The following DSP variants were observed in gnomAD, a reference collection of about 807,000 sequenced individuals.
DSP encodes the protein desmoplakin, also known as 250/210 kDa paraneoplastic pemphigus antigen.
DSP carries 114 observed loss-of-function variants against 290.6 expected under a neutral mutation model. The observed-to-expected ratio is 0.39, with a 90% CI of 0.34 to 0.46. The LOEUF (loss-of-function observed/expected upper bound fraction) is 0.46. DSP is among the 20% of genes least tolerant of loss of function. The pLI is 0.99. For missense variants in DSP, 3,230 were observed against 3,495.8 expected (o/e 0.92, Z 1.92); for synonymous variants, 1,311 against 1,316.4 (o/e 1.00, Z 0.09).
intron 12 of DSP, among the ~76,000 whole-genome samples, chr6:7,570,010 C>T (rs888439150): frequency 2.6e-5 from 4 of 152,162 alleles, no homozygotes; most frequent in East Asian, 1.9e-4. Context: ...GAAGAACATT[C>T]GTTTAACAGG....
rs1759429339 is a variant in DSP at position 7,581,222 on chromosome 6, G to A, written c.5032G>A (p.Ala1678Thr). 1.2e-6 allele frequency: 2 copies of A among 1,614,154 alleles called. No individual in the cohort carries two copies. Among genetic ancestry groups the A allele is most frequent in the Non-Finnish European group, 1.7e-6 (2 of 1,180,038 alleles). The change falls in exon 23 of 24, where the codon GCT (alanine) becomes ACT (threonine). Residue 1678 changes from alanine to threonine, a missense_variant. Ala to Thr is a moderately conservative substitution (Grantham distance 58, BLOSUM62 0). This residue lies in a region of DSP where 1,714 missense variants were observed against 1,844.5 expected (regional missense o/e 0.93). Transcript: ENST00000379802. ...LLQEQESVKQ[A>T]HLRNEHFQKA... Reference sequence around the variant, plus strand: ...CCAGGAACAGGAAAGTGTCAAACAAGCTCACTTGAGGAATGAGCATTTCCA... The same window carrying A: ...CCAGGAACAGGAAAGTGTCAAACAAACTCACTTGAGGAATGAGCATTTCCA...
chr6:7,554,951 G>A (rs1226839303), intron 1 of DSP, among the ~76,000 whole-genome samples: 4 of 152,090 alleles, frequency 2.6e-5, no homozygotes, highest in African/African-American at 4.8e-5. Flanking sequence ...CACTGTGTCC[G>A]GCCAATATTT....
intron 1 of DSP, among the ~76,000 whole-genome samples, chr6:7,542,579 G>A (rs1231407762): frequency 1.3e-5 from 2 of 152,136 alleles, no homozygotes; most frequent in Non-Finnish European, 2.9e-5. Flanking sequence ...CAGTAACCCC[G>A]AGACCACGAC....
chr6:7,570,609 T>G (rs1033163177), intron 13 of DSP, 46 bp downstream of exon 13: 1 of 1,607,372 alleles, frequency 6.2e-7, no homozygotes. Context: ...AGGGCAGCGC[T>G]GCCCCCCGCA....
chr6:7,544,757 A>G (rs987604045), intron 1 of DSP, among the ~76,000 whole-genome samples: 1 of 152,132 alleles, frequency 6.6e-6, no homozygotes, highest in Non-Finnish European at 1.5e-5. Context: ...TTAGGACAGT[A>G]TTAGATCTCA....
At chr6:7,544,157 C>T (rs922427196) in intron 1 of DSP, among the ~76,000 whole-genome samples, 5 of 152,168 alleles carry the variant, frequency 3.3e-5, no homozygotes, top group African/African-American at 2.4e-5. Flanking sequence ...TCATTCTTTC[C>T]GGGGATCCTG....
At chr6:7,566,515 A>G in intron 8 of DSP, 34 bp downstream of exon 8, 2 of 1,570,420 alleles carry the variant, frequency 1.3e-6, no homozygotes. Context: ...TTTGTTAGAA[A>G]AAAAAAAACT....
intron 13 of DSP, 134 bp downstream of exon 13, chr6:7,570,697 T>C: frequency 7.9e-7 from 1 of 1,269,982 alleles, no homozygotes; most frequent in Non-Finnish European, 1.1e-6. Context: ...AGCTCAGCCC[T>C]CCTTAGAGGT....
Position 7,579,875 on chromosome 6 carries a change from G to A in DSP, c.3685G>A (p.Glu1229Lys), listed in dbSNP as rs773447502. ...TTIKEISMQK[E>K]DDSKNLRNQL... ...CATCAAGGAGATATCCATGCAAAAAGAGGATGATTCCAAAAATCTTAGAAA... is the reference window on the plus strand; with the variant it reads ...CATCAAGGAGATATCCATGCAAAAAAAGGATGATTCCAAAAATCTTAGAAA... Residue 1229 changes from glutamate to lysine, a missense_variant, in exon 23 of 24, where the codon GAG becomes AAG. Physicochemically the swap from Glu to Lys is moderately conservative, Grantham distance 56. Transcript: ENST00000379802. This position sits in a 1 kb window ranked among gnomAD's most constrained non-coding sequence, Gnocchi z 4.1. 6.2e-7 allele frequency: 1 copy of A among 1,614,152 alleles called. No individual in the cohort carries two copies. Among genetic ancestry groups the A allele is most frequent in the Non-Finnish European group, 8.5e-7 (1 of 1,180,038 alleles).
At chr6:7,544,595 G>T (rs1185078420) in intron 1 of DSP, among the ~76,000 whole-genome samples, 6 of 151,566 alleles carry the variant, frequency 4.0e-5, no homozygotes, top group Non-Finnish European at 8.8e-5. Context: ...TAATAGATTG[G>T]TGATTTTTGA....
chr6:7,543,583 TC>T (rs1445927782), intron 1 of DSP, among the ~76,000 whole-genome samples: 1 of 152,258 alleles, frequency 6.6e-6, no homozygotes, highest in Admixed American at 6.5e-5. Context: ...ATTTAAATTT[TC>T]TCCCGCAGTC....
chr6:7,585,568 G>C lies in DSP; in HGVS notation c.8306G>C (p.Ser2769Thr). Residue 2769 changes from serine (S) to threonine (T), a missense_variant, in exon 24 of 24, where the codon AGC (serine) becomes ACC (threonine). Around this residue, in one of 5 missense-constraint regions of DSP, gnomAD observed 582 missense variants for 555.4 expected, o/e 1.05. Coordinates refer to ENST00000379802, the MANE Select transcript of DSP (RefSeq NM_004415.4). Reference protein sequence around the residue: ...RAAQRLQDTSSYAKILTCPKT... With the variant: ...RAAQRLQDTSTYAKILTCPKT... ...GCACAGAGGCTGCAAGACACCAGCA[G>C]CTATGCCAAAATCCTGACCTGCCCC... is the stretch of plus-strand genomic sequence containing the variant. 6.2e-7 allele frequency: 1 copy of C among 1,614,178 alleles called. No homozygotes were observed. Among genetic ancestry groups the C allele is most frequent in the Non-Finnish European group, 8.5e-7 (1 of 1,180,024 alleles).
rs1349062757 is a variant in DSP at position 7,575,469 on chromosome 6, G to A, written c.2611G>A (p.Asp871Asn). 1.2e-6 allele frequency: 2 copies of A among 1,614,188 alleles called. No homozygotes were observed. Among genetic ancestry groups the A allele is most frequent in the Non-Finnish European group, 1.7e-6 (2 of 1,180,030 alleles). ...GCTGACAGACCGCTGGCAAAGGATA[G>A]ATAAACAGATCGACTTTAGGTATGC... ...TQLTDRWQRIDKQIDFRLWDL... is the reference protein window; with the variant it reads ...TQLTDRWQRINKQIDFRLWDL... Residue 871 changes from aspartate to asparagine, a missense_variant, in exon 18 of 24, where the codon GAT becomes AAT. Physicochemically the swap from Asp to Asn is conservative, Grantham distance 23 (BLOSUM62 1). Coordinates refer to ENST00000379802, the MANE Select transcript of DSP (RefSeq NM_004415.4).
rs150383703 is a variant in DSP at position 7,555,730 on chromosome 6, G to A, written c.183G>A (p.Thr61=). 2.0e-5 allele frequency: 33 copies of A among 1,614,186 alleles called. No individual in the cohort carries two copies. The African/African-American group carries it at 2.5e-4, about 12-fold the overall frequency. ...TTTGCCTCCTTAGTCAAACCGGCACGATGTCCAGGCACCAGAACCAGAACA... is the reference window on the plus strand; with the variant it reads ...TTTGCCTCCTTAGTCAAACCGGCACAATGTCCAGGCACCAGAACCAGAACA... ...QNSDGYCQTG[T]MSRHQNQNTI... is the part of the protein sequence containing the mutation. The change falls in exon 2 of 24, where the codon ACG becomes ACA. Residue 61 remains threonine (T), a synonymous_variant. Coordinates refer to ENST00000379802, the MANE Select transcript of DSP (RefSeq NM_004415.4).
rs759523146 is a variant in DSP, at chr6:7,580,900, G to A, written c.4710G>A (p.Lys1570=). Residue 1570 remains lysine (K), a synonymous_variant, in exon 23 of 24, where the codon AAG becomes AAA. Transcript: ENST00000379802. This position sits in a 1 kb window ranked among gnomAD's most constrained non-coding sequence, Gnocchi z 4.2. ...CTCTGAAAGAGCTGCAGCTGCAGAA[G>A]CAGAAGGTGGAAGAGGAGCTGAATC... The part of the protein sequence containing the change: ...QNSLKELQLQ[K]QKVEEELNRL... The A allele has an allele frequency of 6.2e-7, 1 of 1,614,194 alleles. No homozygotes were observed. The highest frequency in any genetic ancestry group is 8.5e-7 in the Non-Finnish European group (1 of 1,180,040).
intron 16 of DSP, 108 bp from the exon 17 acceptor site, chr6:7,574,549 T>C: frequency 6.6e-7 from 1 of 1,518,458 alleles, no homozygotes; most frequent in Non-Finnish European, 9.1e-7. Flanking sequence ...CAAAATAAAT[T>C]TTTATCTGCT....
Position 7,585,296 on chromosome 6 carries a change from T to C in DSP, c.8034T>C (p.Gly2678=), listed in dbSNP as rs1274651422. 2 of 1,613,846 alleles carry C rather than the reference T, an allele frequency of 1.2e-6. No homozygotes were observed. Among genetic ancestry groups the C allele is most frequent in the African/African-American group, 1.3e-5 (1 of 74,852 alleles). ...CACTTCAGGACGCAGTCTCCCAGGG[T>C]GTGATTGACCAAGACATGGCCACCA... ...KLSLQDAVSQ[G]VIDQDMATRL... The change falls in exon 24 of 24, where the codon GGT becomes GGC. Residue 2678 remains glycine (G), a synonymous_variant. Transcript: ENST00000379802.
At chr6:7,566,254 G>A in intron 7 of DSP, 123 bp from the exon 8 acceptor site, 1 of 798,566 alleles carries the variant, frequency 1.3e-6, no homozygotes, top group Non-Finnish European at 2.1e-6. Flanking sequence ...AAAACAGCGT[G>A]ATTCTTTGGC....
chr6:7,581,261 G>A lies in DSP; in HGVS notation c.5071G>A (p.Asp1691Asn), dbSNP rs750774429. Residue 1691 changes from aspartate (D) to asparagine (N), a missense_variant, in exon 23 of 24, where the codon GAT (aspartate) becomes AAT (asparagine). Physicochemically the swap from Asp to Asn is conservative, Grantham distance 23 (BLOSUM62 1). This residue lies in a region of DSP where 1,714 missense variants were observed against 1,844.5 expected (regional missense o/e 0.93). Coordinates refer to ENST00000379802, the MANE Select transcript of DSP (RefSeq NM_004415.4). ...TGAGCATTTCCAGAAGGCGATAGAA[G>A]ATAAAAGCAGAAGCTTAAATGAAAG... ...RNEHFQKAIE[D>N]KSRSLNESKI... 1 of 1,614,124 alleles carries A rather than the reference G, an allele frequency of 6.2e-7. No individual in the cohort carries two copies. Among genetic ancestry groups the A allele is most frequent in the East Asian group, 2.2e-5 (1 of 44,888 alleles).
Sources: allele counts gnomAD v4.1 joint callset (sites outside exome capture counted in the v4.1 genomes callset), GRCh38; gene constraint gnomAD v4.1.1; regional missense constraint gnomAD v4.1.1; non-coding constraint Gnocchi (gnomAD v3.1); transcripts MANE v1.5; gene names NCBI Gene and HGNC (gene_info 2026-07-23, HGNC 2026-07-21).